Variants in DNAJC24 observed in about 807,000 individuals in gnomAD.
DNAJC24 encodes DnaJ heat shock protein family (Hsp40) member C24.
DNAJC24 carries 17 observed loss-of-function variants against 18.0 expected under a neutral mutation model. That is an observed-to-expected ratio of 0.94 (90% CI 0.65 to 1.42). DNAJC24 has a LOEUF of 1.42. Among genes scored for constraint, DNAJC24 ranks in the 40% most tolerant of loss-of-function variants. The pLI, the probability that DNAJC24 is intolerant of heterozygous loss-of-function variation, is 0.00. For missense variants in DNAJC24, 158 were observed against 175.6 expected, an observed-to-expected ratio of 0.90 and a Z score of 0.57; for synonymous variants, 55 against 57.7, an observed-to-expected ratio of 0.95 and a Z score of 0.21.
Position 31,372,228 on chromosome 11 carries a change from A to AAGTCTCACAAGATTTGATG in DNAJC24, c.111+1370_111+1371insGTCTCACAAGATTTGATGA, listed in dbSNP as rs1591896147. 2.2e-4 allele frequency among the ~76,000 whole-genome samples: 31 copies of AAGTCTCACAAGATTTGATG among 141,088 alleles called. 1 individual carries two copies. Among genetic ancestry groups the AAGTCTCACAAGATTTGATG allele is most frequent in the East Asian group, 3.9e-4 (2 of 5,162 alleles). The allele number at this position is 141,088 out of a possible 152,430, so 92.6% of individuals were successfully genotyped here. A position where few individuals can be genotyped will look rare whatever the true frequency, so the allele number is the denominator to read the frequency against. On this transcript the variant is annotated intron_variant, in intron 2 of 4. Coordinates refer to ENST00000465995, the MANE Select transcript of DNAJC24 (RefSeq NM_181706.5). ...TGATGCTTCTTAAGCCAATGTCTGT[A>AAGTCTCACAAGATTTGATG]ATTCTATACCGACGTCCGGTTAACT...
chr11:31,422,542 C>T lies in DNAJC24; in HGVS notation c.251-3745C>T, dbSNP rs75437855. ...GTTTTCTCAACCCTTTTAGTAGTGT[C>T]ATGTTAACAGGGGAACTTTAGGAGA... On this transcript the variant is annotated intron_variant, in intron 3 of 4. Transcript: ENST00000465995. Among the ~76,000 whole-genome samples, 873 of 152,206 alleles carry T rather than the reference C, an allele frequency of 5.7e-3. 6 individuals are homozygous for T. Among genetic ancestry groups the T allele is most frequent in the African/African-American group, 0.02 (834 of 41,532 alleles).
At chr11:31,376,348 T>C (rs1325385648) in intron 2 of DNAJC24, among the ~76,000 whole-genome samples, 1 of 152,246 alleles carries the variant, frequency 6.6e-6, no homozygotes, top group East Asian at 1.9e-4. Flanking sequence ...CCCTTCTTTT[T>C]TCTTGGTTGA....
chr11:31,412,023 T>A (rs1952714980), intron 2 of DNAJC24, among the ~76,000 whole-genome samples: 1 of 152,216 alleles, frequency 6.6e-6, no homozygotes, highest in Non-Finnish European at 1.5e-5. Flanking sequence ...TCATGGAATC[T>A]GAATAGACTT....
chr11:31,426,411 GAAA>G, intron 4 of DNAJC24, 56 bp downstream of exon 4: 1 of 984,138 alleles, frequency 1.0e-6, no homozygotes, highest in Non-Finnish European at 1.5e-6. Context: ...TTTTCTATAA[GAAA>G]AAAAAACTCA....
At chr11:31,427,289 A>G (rs919569350) in intron 4 of DNAJC24, 1 of 152,152 alleles carries the variant, frequency 6.6e-6, no homozygotes, top group African/African-American at 2.4e-5. Context: ...CTAACTTAGA[A>G]AGGGAATCAT....
At chr11:31,388,258 A>G (rs2133475712) in intron 2 of DNAJC24, among the ~76,000 whole-genome samples, 1 of 152,280 alleles carries the variant, frequency 6.6e-6, no homozygotes, top group South Asian at 2.1e-4. Flanking sequence ...ATTCAAGTAC[A>G]AGAAGGTTAT....
At chr11:31,393,306 C>T (rs1952516139) in intron 2 of DNAJC24, among the ~76,000 whole-genome samples, 1 of 152,048 alleles carries the variant, frequency 6.6e-6, no homozygotes, top group African/African-American at 2.4e-5. Context: ...CACATAGGAG[C>T]CTTATATGCA....
At chr11:31,429,397 C>A in intron 4 of DNAJC24, 1 of 311,964 alleles carries the variant, frequency 3.2e-6, no homozygotes, top group Non-Finnish European at 7.1e-6. Context: ...TGTATGAAAT[C>A]ATGAGTCCTT....
chr11:31,377,464 A>C (rs1952328784), intron 2 of DNAJC24, among the ~76,000 whole-genome samples: 1 of 152,118 alleles, frequency 6.6e-6, no homozygotes. Context: ...CTGCCGTGTA[A>C]TAGTTTACTA....
chr11:31,380,472 A>T (rs1019869318), intron 2 of DNAJC24, among the ~76,000 whole-genome samples: 1 of 152,224 alleles, frequency 6.6e-6, no homozygotes, highest in Admixed American at 6.5e-5. Context: ...CAGTTACGCC[A>T]AAATACAAAG....
At chr11:31,390,960 C>A (rs565816056) in intron 2 of DNAJC24, among the ~76,000 whole-genome samples, 2 of 152,168 alleles carry the variant, frequency 1.3e-5, no homozygotes, top group East Asian at 1.9e-4. Flanking sequence ...ACGTAAAAGT[C>A]CTCAACAGAA....
chr11:31,396,133 G>GTTC (rs1453551374), intron 2 of DNAJC24: 1 of 329,154 alleles, frequency 3.0e-6, no homozygotes, highest in Non-Finnish European at 6.0e-6. Context: ...AGTGGCCAGT[G>GTTC]TTCCTTTTTT....
intron 2 of DNAJC24, among the ~76,000 whole-genome samples, chr11:31,391,437 G>T (rs935001218): frequency 1.3e-5 from 2 of 152,014 alleles, no homozygotes; most frequent in African/African-American, 4.8e-5. Flanking sequence ...TTTTAAAATG[G>T]GCAAAAAACT....
At chr11:31,389,658 C>T (rs1952468510) in intron 2 of DNAJC24, among the ~76,000 whole-genome samples, 1 of 152,136 alleles carries the variant, frequency 6.6e-6, no homozygotes, top group South Asian at 2.1e-4. Context: ...ACCAAATGGA[C>T]CTACCTGATA....
At chr11:31,384,681 G>A (rs1224323833) in intron 2 of DNAJC24, 4 of 152,198 alleles carry the variant, frequency 2.6e-5, no homozygotes, top group Non-Finnish European at 5.9e-5. Flanking sequence ...TTGACCTGTA[G>A]CAATCTTTGA....
At position 31,432,026 on chromosome 11, in the gene DNAJC24, T is replaced by G; in HGVS notation, c.*1625T>G. On this transcript the variant is annotated 3_prime_UTR_variant, in exon 5 of 5. Coordinates refer to ENST00000465995, the MANE Select transcript of DNAJC24 (RefSeq NM_181706.5). ...AAAGTCAGAACTCATTTAAAGAACT[T>G]TAAGGGATCCTTTAGAAACATTTTT... Among the ~76,000 whole-genome samples the G allele has an allele frequency of 6.6e-6, 1 of 152,162 alleles. No individual in the cohort carries two copies. Among genetic ancestry groups the G allele is most frequent in the East Asian group, 1.9e-4 (1 of 5,192 alleles).
chr11:31,430,285 T>C lies in DNAJC24; in HGVS notation c.334T>C (p.Tyr112His). 6.2e-7 allele frequency: 1 copy of C among 1,607,672 alleles called. No individual in the cohort carries two copies. The highest frequency in any genetic ancestry group is 8.5e-7 in the Non-Finnish European group (1 of 1,176,026). The change falls in exon 5 of 5, where the codon TAT becomes CAT. Residue 112 changes from tyrosine (Y) to histidine (H), a missense_variant. By Grantham distance (83) the Tyr-to-His change is moderately conservative (BLOSUM62 2). Transcript: ENST00000465995. ...MSWNEGDHSF[Y>H]LSCRCGGKYS... ...TTCTTTTGCAGGTGATCACTCTTTT[T>C]ATCTGAGTTGCAGATGTGGTGGAAA...
At position 31,430,662 on chromosome 11, in the gene DNAJC24, T is replaced by A; in HGVS notation, c.*261T>A. The A allele has an allele frequency of 5.6e-6, 1 of 178,890 alleles. No homozygotes were observed. The highest frequency in any genetic ancestry group is 1.4e-4 in the East Asian group (1 of 7,148). 11.1% of individuals were successfully genotyped at this position (178,890 alleles called of 1,614,324 possible). ...ATTCCCATCTGAGAACTTTATTATG[T>A]CATTTTTTTCCATGACACAAAATAA... On this transcript the variant is annotated 3_prime_UTR_variant, in exon 5 of 5. Transcript: ENST00000465995.
At chr11:31,390,395 CAAAAAAAA>C (rs370680501) in intron 2 of DNAJC24, among the ~76,000 whole-genome samples, 11 of 48,572 alleles carry the variant, frequency 2.3e-4, no homozygotes, top group African/African-American at 7.7e-4. Context: ...GACTCTATCT[CAAAAAAAA>C]AAAAAAAAAA....
Sources: allele counts gnomAD v4.1 joint callset (sites outside exome capture counted in the v4.1 genomes callset), GRCh38; gene constraint gnomAD v4.1.1; transcripts MANE v1.5; gene names NCBI Gene and HGNC (gene_info 2026-07-23, HGNC 2026-07-21).